The following NBPF14 variants were observed in gnomAD, a reference collection of about 807,000 sequenced individuals.
The protein encoded by NBPF14 is NBPF member 14, also known as NBPF family member NBPF14.
A neutral mutation model predicts 91.2 loss-of-function variants in NBPF14; 104 were observed. The ratio of observed to expected loss-of-function variants is 1.14; its 90% confidence interval spans 0.97 to 1.34. The LOEUF is 1.34. Among genes scored for constraint, NBPF14 ranks in the 40% most tolerant of loss-of-function variants. NBPF14 has a pLI of 0.00. For missense variants in NBPF14, 908 were observed against 783.0 expected, an observed-to-expected ratio of 1.16 and a Z score of -1.91; for synonymous variants, 294 against 303.8, an observed-to-expected ratio of 0.97 and a Z score of 0.34.
At chr1:148,534,976 T>G in intron 68 of NBPF14, 120 bp from the exon 69 acceptor site, 2 of 733,634 alleles carry the variant, frequency 2.7e-6, no homozygotes, top group Non-Finnish European at 2.5e-6. Flanking sequence ...GATCCATTAA[T>G]GAGGTAACGA....
chr1:148,534,687 C>A (rs1482295017), exon 69 of NBPF14: 13 of 809,862 alleles, frequency 1.6e-5, no homozygotes, highest in South Asian at 1.5e-4. Context: ...TACTCACTGT[C>A]CACGTCAAGA....
At chr1:148,590,555 G>C (rs1204076406) in intron 6 of NBPF14, among the ~76,000 whole-genome samples, 1 of 85,462 alleles carries the variant, frequency 1.2e-5, no homozygotes, top group African/African-American at 4.5e-5. Context: ...TATTGTGTAG[G>C]CTGGTCTTCA....
In NBPF14 at chr1:148,533,987, A is replaced by T. The variant is rs1654333702; in HGVS notation, c.8615-18T>A. 1 of 698,080 alleles carries T rather than the reference A, an allele frequency of 1.4e-6. No individual in the cohort carries two copies. Among genetic ancestry groups the T allele is most frequent in the Non-Finnish European group, 2.6e-6 (1 of 384,830 alleles). 43.2% of individuals were successfully genotyped at this position (698,080 alleles called of 1,614,324 possible). A position where few individuals can be genotyped will look rare whatever the true frequency, so the allele number is the denominator to read the frequency against. On this transcript the variant is annotated intron_variant, in intron 69 of 70. Transcript: ENST00000619423. Reference sequence around the variant, plus strand: ...TTCAATTTCTGCAATAAATTCAGACATGGACAGACACATTAAGCTGATTCC... The same window carrying T: ...TTCAATTTCTGCAATAAATTCAGACTTGGACAGACACATTAAGCTGATTCC...
At chr1:148,538,311 C>T (rs1655376885) in intron 64 of NBPF14, among the ~76,000 whole-genome samples, 1 of 31,040 alleles carries the variant, frequency 3.2e-5, no homozygotes, top group Non-Finnish European at 6.0e-5. Context: ...AGTAACAGGA[C>T]ACTCTGAGTT....
At chr1:148,535,124 G>A (rs1282576854) in intron 68 of NBPF14, among the ~76,000 whole-genome samples, 1 of 146,850 alleles carries the variant, frequency 6.8e-6, no homozygotes, top group African/African-American at 2.6e-5. Flanking sequence ...AGGGGTCAAA[G>A]GACACTCTGA....
At chr1:148,595,142 C>T (rs1228296357) in intron 2 of NBPF14, among the ~76,000 whole-genome samples, 9 of 145,420 alleles carry the variant, frequency 6.2e-5, no homozygotes, top group Non-Finnish European at 1.2e-4. Context: ...CCTCTTGGGC[C>T]TCAACAGAAA....
Position 148,572,596 on chromosome 1 carries a change from C to A in NBPF14, c.2605G>T (p.Asp869Tyr), listed in dbSNP as rs1659258250. Reference sequence around the variant, plus strand: ...TGCAAGACTTCAGGCTCTTTCTCATCCAGCAGCTCCCTGCTGAGCCTGGAA... The same window carrying A: ...TGCAAGACTTCAGGCTCTTTCTCATACAGCAGCTCCCTGCTGAGCCTGGAA... The change falls in exon 21 of 71, where the codon GAT (aspartate) becomes TAT (tyrosine). Residue 869 changes from aspartate (D) to tyrosine (Y), a missense_variant. This residue lies in a region of NBPF14 where 447 missense variants were observed against 189.1 expected (regional missense o/e 2.36). Coordinates refer to ENST00000619423, the Ensembl canonical transcript of NBPF14. The A allele has an allele frequency of 1.2e-5, 7 of 604,160 alleles. 1 individual carries two copies. Among genetic ancestry groups the A allele is most frequent in the Non-Finnish European group, 2.0e-5 (7 of 344,294 alleles). 37.4% of individuals were successfully genotyped at this position (604,160 alleles called of 1,614,324 possible).
At chr1:148,575,664 G>A (rs1659578669) in exon 17 of NBPF14, 15 of 181,214 alleles carry the variant, frequency 8.3e-5, no homozygotes, top group South Asian at 3.5e-4. Flanking sequence ...CCAAGCCAAG[G>A]TACTGTTCCT....
intron 4 of NBPF14, among the ~76,000 whole-genome samples, 169 bp from the exon 5 acceptor site, chr1:148,591,673 G>A (rs1662505577): frequency 6.8e-6 from 1 of 147,998 alleles, no homozygotes; most frequent in African/African-American, 2.4e-5. Flanking sequence ...TGGTCCATCG[G>A]GCAATGCATT....
chr1:148,561,853 C>G (rs1657848825), intron 34 of NBPF14, among the ~76,000 whole-genome samples: 3 of 135,486 alleles, frequency 2.2e-5, no homozygotes, highest in Non-Finnish European at 4.5e-5. Flanking sequence ...AGAGAACGAG[C>G]TCAGTGAATT....
Position 148,593,892 on chromosome 1 carries a change from C to T in NBPF14, c.176-192G>A, listed in dbSNP as rs1379392985. Among the ~76,000 whole-genome samples, 25 of 149,672 alleles carry T rather than the reference C, an allele frequency of 1.7e-4. 1 individual carries two copies. The highest frequency in any genetic ancestry group is 8.0e-4 in the Admixed American group (12 of 15,042). On this transcript the variant is annotated intron_variant, in intron 2 of 70. Transcript: ENST00000619423. ...CATCTGATCCTCCAAAATTTAAAGA[C>T]GAAGAAAGAGAAACTCAAGGGCACA...
chr1:148,559,220 G>C, intron 37 of NBPF14, 148 bp from the exon 38 acceptor site: 1 of 462,342 alleles, frequency 2.2e-6, no homozygotes, highest in Admixed American at 3.6e-5. Context: ...GAGGCCTGAA[G>C]GCTGATCACC....
At chr1:148,572,516 G>C in exon 21 of NBPF14, 4 of 612,544 alleles carry the variant, frequency 6.5e-6, no homozygotes, top group East Asian at 2.8e-5. Flanking sequence ...GCTGGCCTAA[G>C]TCAGGCAGTT....
At chr1:148,542,126 G>T (rs1449546907) in intron 59 of NBPF14, among the ~76,000 whole-genome samples, 3 of 104,402 alleles carry the variant, frequency 2.9e-5, no homozygotes, top group Admixed American at 8.4e-5. Context: ...TCAACTTAAA[G>T]CATATACCCT....
chr1:148,577,306 A>C, exon 15 of NBPF14: 3 of 618,610 alleles, frequency 4.8e-6, no homozygotes, highest in South Asian at 1.9e-5. Flanking sequence ...CTATCCAGTG[A>C]GTCCTGCAAG....
chr1:148,559,314 C>A (rs1221499506), intron 37 of NBPF14, among the ~76,000 whole-genome samples: 7 of 123,484 alleles, frequency 5.7e-5, no homozygotes, highest in South Asian at 2.9e-4. Context: ...TCATTTGTCC[C>A]AAGTTTGTGC....
At chr1:148,535,220 A>T (rs1174848461) in intron 68 of NBPF14, among the ~76,000 whole-genome samples, 1 of 119,080 alleles carries the variant, frequency 8.4e-6, no homozygotes, top group African/African-American at 3.0e-5. Flanking sequence ...AAGATTCCAT[A>T]CAGTTGCCAT....
At chr1:148,534,650 T>G (rs1297054264) in intron 69 of NBPF14, 34 bp downstream of exon 69, 3 of 857,414 alleles carry the variant, frequency 3.5e-6, no homozygotes, top group Non-Finnish European at 6.1e-6. Flanking sequence ...GAAGACCAGG[T>G]GGAGGCTTAT....
intron 21 of NBPF14, 57 bp downstream of exon 21, chr1:148,572,386 T>C: frequency 2.6e-6 from 1 of 388,862 alleles, no homozygotes; most frequent in Admixed American, 4.8e-5. Context: ...AACAGGAATA[T>C]CACCCCTATC....
Sources: allele counts gnomAD v4.1 joint callset (sites outside exome capture counted in the v4.1 genomes callset), GRCh38; gene constraint gnomAD v4.1.1; regional missense constraint gnomAD v4.1.1; transcripts MANE v1.5; gene names NCBI Gene and HGNC (gene_info 2026-07-23, HGNC 2026-07-21).